Variants in STYX observed in about 807,000 individuals in gnomAD.
STYX encodes the protein serine/threonine/tyrosine interacting protein.
STYX carries 20 observed loss-of-function variants against 42.7 expected under a neutral mutation model. The observed-to-expected ratio is 0.47, with a 90% CI of 0.33 to 0.68. The LOEUF is 0.68. Ranked by LOEUF, STYX falls within the 30% of genes least tolerant of loss-of-function variation. The pLI, the probability that STYX is intolerant of heterozygous loss-of-function variation, is 0.02. For missense variants in STYX, 226 were observed against 268.5 expected, an observed-to-expected ratio of 0.84 and a Z score of 1.11; for synonymous variants, 78 against 81.9, an observed-to-expected ratio of 0.95 and a Z score of 0.26.
At chr14:52,749,353 CAT>C (rs1206438548) in intron 3 of STYX, among the ~76,000 whole-genome samples, 1 of 152,128 alleles carries the variant, frequency 6.6e-6, no homozygotes, top group Non-Finnish European at 1.5e-5. Context: ...GTTCATAACA[CAT>C]ATAAATTATT....
intron 3 of STYX, among the ~76,000 whole-genome samples, chr14:52,747,244 A>G (rs1276618693): frequency 2.0e-5 from 3 of 152,234 alleles, no homozygotes; most frequent in Non-Finnish European, 4.4e-5. Context: ...CCACTTCTAA[A>G]AGATTCAATG....
At chr14:52,739,525 T>A (rs1881097591) in intron 1 of STYX, among the ~76,000 whole-genome samples, 1 of 152,074 alleles carries the variant, frequency 6.6e-6, no homozygotes, top group South Asian at 2.1e-4. Context: ...ATGCATCTAT[T>A]TTGTGCTTAT....
In STYX at chr14:52,757,637, T is replaced by C. The variant is rs1013308407; in HGVS notation, c.341-106T>C. 4 of 1,006,846 alleles carry C rather than the reference T, an allele frequency of 4.0e-6. No homozygotes were observed. The South Asian group carries it at 4.3e-5, about 11-fold the overall frequency. The allele number at this position is 1,006,846 out of a possible 1,614,324, so 62.4% of individuals were successfully genotyped here. ...AACAAATTGTAAAGATTTGAAGATA[T>C]CCAAGTGATTATAGTATATAAGGAG... On this transcript the variant is annotated intron_variant, in intron 6 of 10. Coordinates refer to ENST00000354586, the MANE Select transcript of STYX (RefSeq NM_145251.4).
chr14:52,773,629 C>G lies in STYX; in HGVS notation c.*2523C>G, dbSNP rs960106445. ...CTGGGATTACAGGCGTGAGCCACTG[C>G]GCCTGGCTGAGTACAATATTAATGT... is the stretch of plus-strand genomic sequence containing the variant. On this transcript the variant is annotated 3_prime_UTR_variant, in exon 11 of 11. Transcript: ENST00000354586. The G allele has an allele frequency of 2.0e-5, 3 of 152,128 alleles. No homozygotes were observed. The highest frequency in any genetic ancestry group is 4.4e-5 in the Non-Finnish European group (3 of 68,066). 9.4% of individuals were successfully genotyped at this position (152,128 alleles called of 1,614,324 possible). A position where few individuals can be genotyped will look rare whatever the true frequency, so the allele number is the denominator to read the frequency against.
intron 10 of STYX, among the ~76,000 whole-genome samples, chr14:52,770,582 G>A (rs900437963): frequency 2.0e-5 from 3 of 152,018 alleles, no homozygotes; most frequent in African/African-American, 7.2e-5. Flanking sequence ...GATAGCTTGA[G>A]TGGAAAAATA....
intron 4 of STYX, among the ~76,000 whole-genome samples, chr14:52,751,884 C>G (rs1483222263): frequency 6.6e-6 from 1 of 152,090 alleles, no homozygotes; most frequent in East Asian, 1.9e-4. Flanking sequence ...ATATTTTAGG[C>G]CAGCACGGTG....
Position 52,771,911 on chromosome 14 carries a change from G to A in STYX, c.*805G>A, listed in dbSNP as rs946499006. The A allele has an allele frequency of 6.6e-6, 1 of 152,490 alleles. No individual in the cohort carries two copies. The highest frequency in any genetic ancestry group is 1.5e-5 in the Non-Finnish European group (1 of 67,946). The allele number at this position is 152,490 out of a possible 1,614,324, so 9.4% of individuals were successfully genotyped here. A position where few individuals can be genotyped will look rare whatever the true frequency, so the allele number is the denominator to read the frequency against. ...ACTTTCCTTTTTGCATTTTTTGGCA[G>A]TAAAAGCCAAACGTTGTATTTGTTC... On this transcript the variant is annotated 3_prime_UTR_variant, in exon 11 of 11. Coordinates refer to ENST00000354586, the MANE Select transcript of STYX (RefSeq NM_145251.4).
At chr14:52,743,352 C>T (rs1048083753) in intron 1 of STYX, among the ~76,000 whole-genome samples, 2 of 151,862 alleles carry the variant, frequency 1.3e-5, no homozygotes, top group African/African-American at 4.8e-5. Context: ...GAGGCCGAGG[C>T]GGGCAGATCA....
chr14:52,735,684 G>C (rs1279643378), intron 1 of STYX, among the ~76,000 whole-genome samples: 1 of 152,184 alleles, frequency 6.6e-6, no homozygotes, highest in Non-Finnish European at 1.5e-5. Context: ...GACACAGGGA[G>C]CACTACCTGG....
chr14:52,750,880 G>C, intron 4 of STYX, 100 bp downstream of exon 4: 1 of 684,678 alleles, frequency 1.5e-6, no homozygotes, highest in Non-Finnish European at 2.4e-6. Flanking sequence ...GTAAAAATGG[G>C]TCATATAGTA....
At chr14:52,739,827 A>T (rs1441125102) in intron 1 of STYX, among the ~76,000 whole-genome samples, 1 of 151,404 alleles carries the variant, frequency 6.6e-6, no homozygotes, top group Non-Finnish European at 1.5e-5. Context: ...TAATTTTTGT[A>T]GAGATGAGGT....
chr14:52,733,984 C>T (rs1016442014), intron 1 of STYX, among the ~76,000 whole-genome samples: 2 of 152,178 alleles, frequency 1.3e-5, no homozygotes, highest in African/African-American at 4.8e-5. Context: ...CCATGCTCAC[C>T]TCATGTAAAT....
intron 1 of STYX, among the ~76,000 whole-genome samples, chr14:52,741,230 A>ATATATATATTT (rs570503762): frequency 7.1e-6 from 1 of 140,316 alleles, no homozygotes; most frequent in African/African-American, 2.7e-5. Context: ...ATATATATAT[A>ATATATATATTT]TTTTTTTTTT....
intron 1 of STYX, among the ~76,000 whole-genome samples, chr14:52,742,899 G>A (rs1355847951): frequency 2.6e-5 from 4 of 151,252 alleles, no homozygotes; most frequent in Non-Finnish European, 5.9e-5. Flanking sequence ...AGGTTCAAGC[G>A]ATTCTCCTGC....
At position 52,759,686 on chromosome 14, in the gene STYX, G is replaced by A. The variant is rs778011389; in HGVS notation, c.436G>A (p.Ala146Thr). 4 of 1,601,030 alleles carry A rather than the reference G, an allele frequency of 2.5e-6. No homozygotes were observed. Among genetic ancestry groups the A allele is most frequent in the East Asian group, 2.2e-5 (1 of 44,710 alleles). ...METFGMKYRD[A>T]FAYVQERRFC... The stretch of plus-strand genomic sequence containing the variant: ...ACACTCTTTTTCTGTTTTCAGAGAT[G>A]CTTTTGCTTATGTTCAAGAAAGAAG... Residue 146 changes from alanine (A) to threonine (T), a missense_variant, in exon 9 of 11, where the codon GCT (alanine) becomes ACT (threonine). Transcript: ENST00000354586.
intron 8 of STYX, among the ~76,000 whole-genome samples, chr14:52,758,750 A>T (rs1354848256): frequency 2.0e-5 from 3 of 151,796 alleles, no homozygotes; most frequent in Non-Finnish European, 4.4e-5. Context: ...TAATTTTTGT[A>T]TTTTTATTAG....
At chr14:52,770,847 C>T (rs1882482971) in intron 10 of STYX, among the ~76,000 whole-genome samples, 186 bp from the exon 11 acceptor site, 1 of 152,042 alleles carries the variant, frequency 6.6e-6, no homozygotes, top group Non-Finnish European at 1.5e-5. Flanking sequence ...TATATCCTGT[C>T]ATGAAGATTA....
At chr14:52,757,486 T>C in intron 6 of STYX, 131 bp downstream of exon 6, 2 of 894,386 alleles carry the variant, frequency 2.2e-6, no homozygotes, top group Non-Finnish European at 3.4e-6. Context: ...CAAATTTGTA[T>C]TTTCCCAATT....
At position 52,743,217 on chromosome 14, in the gene STYX, GTC is replaced by G. The variant is rs769899952; in HGVS notation, c.58-1630_58-1629del. On this transcript the variant is annotated intron_variant, in intron 1 of 10. Transcript: ENST00000354586. ...TTCTCTTAGTTAAAAAAAAAAACCT[GTC>G]TCTCATTGTAGGATTATTATTCTCT... 4.6e-4 allele frequency among the ~76,000 whole-genome samples: 70 copies of G among 151,732 alleles called. 1 individual carries two copies. Among genetic ancestry groups the G allele is most frequent in the South Asian group, 1.9e-3 (9 of 4,820 alleles).
Sources: allele counts gnomAD v4.1 joint callset (sites outside exome capture counted in the v4.1 genomes callset), GRCh38; gene constraint gnomAD v4.1.1; transcripts MANE v1.5; gene names NCBI Gene and HGNC (gene_info 2026-07-23, HGNC 2026-07-21).